Variants in PCDH20 observed in about 807,000 individuals in gnomAD.
PCDH20 encodes the protein protocadherin-20.
PCDH20 carries 18 observed loss-of-function variants against 39.7 expected under a neutral mutation model. The observed-to-expected ratio is 0.45, with a 90% CI of 0.31 to 0.67. The LOEUF is 0.67. PCDH20 is among the 30% of genes least tolerant of loss of function. The probability of loss-of-function intolerance (pLI) is 0.05; values close to 1 mark genes in which losing one functional copy is unlikely to be tolerated. For missense variants in PCDH20, 1,161 were observed against 1,167.4 expected (o/e 0.99, Z 0.08); for synonymous variants, 495 against 455.4 (o/e 1.09, Z -1.11).
exon 2 of PCDH20, chr13:61,412,487 G>A: frequency 6.2e-7 from 1 of 1,614,166 alleles, no homozygotes; most frequent in Non-Finnish European, 8.5e-7. Context: ...TCTATTAAGG[G>A]TTGAAGGAAA....
rs779652888 is a variant in PCDH20 at position 61,413,970 on chromosome 13, G to A, written c.133-4C>T. The stretch of plus-strand genomic sequence containing the variant: ...AGAGGAAAAACAGAAACAGATGCTG[G>A]AGTTGGGGGAGGGAAGAAAGCTCAT... On this transcript the variant is annotated splice_polypyrimidine_tract_variant and splice_region_variant and intron_variant, in intron 1 of 1. Coordinates refer to ENST00000409204, the Ensembl canonical transcript of PCDH20. 1.9e-6 allele frequency: 3 copies of A among 1,601,874 alleles called. No individual in the cohort carries two copies.
chr13:61,412,739 A>G, exon 2 of PCDH20: 1 of 1,614,212 alleles, frequency 6.2e-7, no homozygotes, highest in Non-Finnish European at 8.5e-7. Flanking sequence ...CTTATGGTGA[A>G]AAACGCAATG....
At chr13:61,409,713 G>A (rs1238208015) in exon 2 of PCDH20, 1 of 151,874 alleles carries the variant, frequency 6.6e-6, no homozygotes, top group African/African-American at 2.4e-5. Flanking sequence ...GTTTAATTGA[G>A]TAATGAATTC....
In PCDH20 at chr13:61,413,203, G is replaced by A. The variant is rs1871442218; in HGVS notation, c.896C>T (p.Pro299Leu). The A allele has an allele frequency of 1.9e-6, 3 of 1,613,946 alleles. No homozygotes were observed. In the South Asian group the frequency reaches 3.3e-5, roughly 18 times the overall value. ...GGTGAGAGTGGCACTGCCCAAAAGT[G>A]GTGGAGACCCACCATCCTCAGCTAT... is the stretch of plus-strand genomic sequence containing the variant. The change falls in exon 2 of 2, where the codon CCA becomes CTA. Residue 299 changes from proline (P) to leucine (L), a missense_variant. Physicochemically the swap from Pro to Leu is moderately conservative, Grantham distance 98. Transcript: ENST00000409204.
exon 2 of PCDH20, chr13:61,413,605 C>G (rs1366865664): frequency 1.2e-6 from 2 of 1,614,208 alleles, no homozygotes; most frequent in Non-Finnish European, 1.7e-6. Flanking sequence ...GATGGAAACG[C>G]TGCCGCTCCA....
exon 2 of PCDH20, chr13:61,411,212 A>G: frequency 6.4e-7 from 1 of 1,556,702 alleles, no homozygotes; most frequent in Non-Finnish European, 8.7e-7. Context: ...GTCAGTTAAA[A>G]CATTTCTCTG....
exon 2 of PCDH20, chr13:61,409,746 G>A (rs1255278161): frequency 4.6e-5 from 7 of 151,828 alleles, no homozygotes; most frequent in Admixed American, 4.6e-4. Flanking sequence ...CTTTAGTATA[G>A]CAGAATACTA....
chr13:61,414,920 G>C, intron 1 of PCDH20, 107 bp downstream of exon 1: 1 of 1,241,012 alleles, frequency 8.1e-7, no homozygotes, highest in Non-Finnish European at 1.0e-6. Context: ...CATCCTTCCC[G>C]TGAAGTTTAG....
In PCDH20 at chr13:61,415,026, C is replaced by G. The variant is rs1201505704; in HGVS notation, c.132+1G>C. The G allele has an allele frequency of 6.1e-6, 9 of 1,479,262 alleles. No homozygotes were observed. Among genetic ancestry groups the G allele is most frequent in the Non-Finnish European group, 8.1e-6 (9 of 1,104,582 alleles). The allele number at this position is 1,479,262 out of a possible 1,614,324, so 91.6% of individuals were successfully genotyped here. On this transcript the variant is annotated splice_donor_variant, in intron 1 of 1. Transcript: ENST00000409204. LOFTEE classifies it high-confidence loss of function. ...CGGGGTTCCTTGACCCTAACCCTTA[C>G]CGGCAGGTTCCTGTAGCTGGTGCTG... is the stretch of plus-strand genomic sequence containing the variant.
chr13:61,414,027 G>T (rs1871482230), intron 1 of PCDH20, 61 bp from the exon 2 acceptor site: 1 of 1,400,956 alleles, frequency 7.1e-7, no homozygotes, highest in Non-Finnish European at 9.7e-7. Flanking sequence ...GTCCGAGAGA[G>T]AAACTAGCGC....
exon 2 of PCDH20, chr13:61,413,695 T>G (rs1206821094): frequency 6.2e-7 from 1 of 1,613,908 alleles, no homozygotes; most frequent in Non-Finnish European, 8.5e-7. Context: ...CCCAGAGCGG[T>G]TGTCTAGGGT....
At chr13:61,413,640 A>C in exon 2 of PCDH20, 1 of 1,614,152 alleles carries the variant, frequency 6.2e-7, no homozygotes, top group Non-Finnish European at 8.5e-7. Context: ...CCCCTTCAAC[A>C]CACAGGGCCT....
At chr13:61,411,639 T>G in exon 2 of PCDH20, 1 of 1,614,216 alleles carries the variant, frequency 6.2e-7, no homozygotes, top group Non-Finnish European at 8.5e-7. Context: ...CTTTCACCAG[T>G]AAGCGATGGA....
At chr13:61,412,029 T>G (rs1878256220) in exon 2 of PCDH20, 1 of 1,614,156 alleles carries the variant, frequency 6.2e-7, no homozygotes, top group African/African-American at 1.3e-5. Context: ...GCATACCCTT[T>G]CCTGTATCTA....
intron 1 of PCDH20, among the ~76,000 whole-genome samples, chr13:61,414,558 AAG>A (rs1871493957): frequency 6.6e-6 from 1 of 152,198 alleles, no homozygotes; most frequent in Non-Finnish European, 1.5e-5. Flanking sequence ...TTAGGTCGGA[AAG>A]AGTGATTTTT....
At chr13:61,412,631 C>G in exon 2 of PCDH20, 1 of 1,614,086 alleles carries the variant, frequency 6.2e-7, no homozygotes, top group Non-Finnish European at 8.5e-7. Context: ...TTTGTGGTCT[C>G]TAGTAAATAT....
exon 1 of PCDH20, chr13:61,415,228 C>CA: frequency 7.7e-7 from 1 of 1,290,978 alleles, no homozygotes. Context: ...TCGGTTCATG[C>CA]AAATCGCTGG....
exon 2 of PCDH20, chr13:61,410,081 G>T (rs1369213958): frequency 6.6e-6 from 1 of 152,044 alleles, no homozygotes; most frequent in African/African-American, 2.4e-5. Flanking sequence ...AAGAGATTCA[G>T]TAAAAGCTAA....
At chr13:61,414,300 C>T (rs1015112117) in intron 1 of PCDH20, among the ~76,000 whole-genome samples, 1 of 152,048 alleles carries the variant, frequency 6.6e-6, no homozygotes, top group South Asian at 2.1e-4. Flanking sequence ...AGGATTCCGA[C>T]TCAGAGACTG....
Sources: allele counts gnomAD v4.1 joint callset (sites outside exome capture counted in the v4.1 genomes callset), GRCh38; gene constraint gnomAD v4.1.1; transcripts MANE v1.5; gene names NCBI Gene and HGNC (gene_info 2026-07-23, HGNC 2026-07-21).